The following SDC2 variants were observed in gnomAD, a reference collection of about 807,000 sequenced individuals.
The protein encoded by SDC2 is syndecan 2.
SDC2 carries 13 observed loss-of-function variants against 22.2 expected under a neutral mutation model. The ratio of observed to expected loss-of-function variants is 0.59; its 90% CI spans 0.38 to 0.93. SDC2 has a LOEUF of 0.93. SDC2 is among the 40% of genes least tolerant of loss of function. SDC2 has a pLI of 0.00. For synonymous variants in SDC2, 94 were observed against 92.8 expected (o/e 1.01, Z -0.07); for missense variants, 235 against 246.8 (o/e 0.95, Z 0.32).
At chr8:96,552,894 T>TG (rs1814050021) in intron 1 of SDC2, among the ~76,000 whole-genome samples, 1 of 152,194 alleles carries the variant, frequency 6.6e-6, no homozygotes, top group Non-Finnish European at 1.5e-5. Context: ...TAGAAAGTAA[T>TG]GTTTCTCCAA....
chr8:96,546,262 C>G (rs954404100), intron 1 of SDC2, among the ~76,000 whole-genome samples: 4 of 152,186 alleles, frequency 2.6e-5, no homozygotes, highest in South Asian at 2.1e-4. Flanking sequence ...TTGAGGGCAA[C>G]TCACTTGAAA....
At chr8:96,571,846 G>C (rs1463843051) in intron 1 of SDC2, among the ~76,000 whole-genome samples, 2 of 152,144 alleles carry the variant, frequency 1.3e-5, no homozygotes, top group Non-Finnish European at 2.9e-5. Flanking sequence ...GAACCCAGAG[G>C]GAGCAATAAT....
chr8:96,522,346 A>G (rs1786992167), intron 1 of SDC2, among the ~76,000 whole-genome samples: 1 of 152,048 alleles, frequency 6.6e-6, no homozygotes, highest in African/African-American at 2.4e-5. Context: ...ATTGCCTGAA[A>G]GAGAATTTTT....
Position 96,585,500 on chromosome 8 carries a change from T to C in SDC2, c.61-7980T>C, listed in dbSNP as rs528405853. Among the ~76,000 whole-genome samples the C allele has an allele frequency of 3.4e-4, 52 of 152,226 alleles. 1 individual carries two copies. Among genetic ancestry groups the C allele is most frequent in the African/African-American group, 1.2e-3 (49 of 41,530 alleles). ...AGTGTGTGTACCCAGGGCTGCTCAT[T>C]GTTGCCAAGCTTTAGATTGAAGAGA... is the stretch of plus-strand genomic sequence containing the variant. On this transcript the variant is annotated intron_variant, in intron 1 of 4. Transcript: ENST00000302190.
At chr8:96,584,147 T>A (rs1028019553) in intron 1 of SDC2, among the ~76,000 whole-genome samples, 4 of 152,234 alleles carry the variant, frequency 2.6e-5, no homozygotes, top group African/African-American at 9.6e-5. Context: ...TGTTCCATAT[T>A]CCTATTGACA....
At chr8:96,547,951 A>T (rs1290018459) in intron 1 of SDC2, among the ~76,000 whole-genome samples, 1 of 151,786 alleles carries the variant, frequency 6.6e-6, no homozygotes, top group Non-Finnish European at 1.5e-5. Flanking sequence ...TTTTGTAGAG[A>T]TGGTTTTGCT....
chr8:96,603,519 G>T (rs1231469715), intron 3 of SDC2, among the ~76,000 whole-genome samples: 1 of 152,212 alleles, frequency 6.6e-6, no homozygotes, highest in Non-Finnish European at 1.5e-5. Flanking sequence ...GAAATGAGAT[G>T]CTGCCAAGCT....
At chr8:96,587,890 T>C (rs186266944) in intron 1 of SDC2, among the ~76,000 whole-genome samples, 4 of 152,242 alleles carry the variant, frequency 2.6e-5, no homozygotes, top group Admixed American at 2.0e-4. Flanking sequence ...TTGAACATGC[T>C]CAGTGACATA....
intron 1 of SDC2, among the ~76,000 whole-genome samples, chr8:96,567,724 A>C (rs1814324055): frequency 6.6e-6 from 1 of 152,246 alleles, no homozygotes; most frequent in African/African-American, 2.4e-5. Context: ...GAATCATAAG[A>C]ATAATTTCGT....
chr8:96,583,304 A>C (rs897804119), intron 1 of SDC2, among the ~76,000 whole-genome samples: 1 of 147,006 alleles, frequency 6.8e-6, no homozygotes, highest in Non-Finnish European at 1.5e-5. Context: ...TATACAATAT[A>C]TATGATATAT....
intron 1 of SDC2, among the ~76,000 whole-genome samples, chr8:96,515,662 G>A (rs2130448439): frequency 6.6e-6 from 1 of 152,246 alleles, no homozygotes; most frequent in African/African-American, 2.4e-5. Flanking sequence ...ACTGAACATA[G>A]AGTCTTGTCC....
At chr8:96,506,492 T>C (rs116702032) in intron 1 of SDC2, among the ~76,000 whole-genome samples, 144 of 152,206 alleles carry the variant, frequency 9.5e-4, no homozygotes, top group African/African-American at 3.3e-3. Flanking sequence ...TGAAAACTTA[T>C]AAGAGACGGA....
intron 1 of SDC2, among the ~76,000 whole-genome samples, chr8:96,560,843 C>G (rs993696171): frequency 6.6e-6 from 1 of 152,154 alleles, no homozygotes; most frequent in African/African-American, 2.4e-5. Flanking sequence ...TGATGGCTCA[C>G]GCTTGTAATC....
chr8:96,496,506 A>G (rs941444086), intron 1 of SDC2, among the ~76,000 whole-genome samples: 1 of 152,232 alleles, frequency 6.6e-6, no homozygotes, highest in Non-Finnish European at 1.5e-5. Context: ...CAAGGCCCAG[A>G]ATGGCTAACA....
chr8:96,589,735 C>T (rs7008092), intron 1 of SDC2, among the ~76,000 whole-genome samples: 10 of 152,150 alleles, frequency 6.6e-5, no homozygotes, highest in Non-Finnish European at 1.2e-4. Context: ...TTATGTCATC[C>T]TCTATGTGGC....
chr8:96,516,689 C>T (rs138947911), intron 1 of SDC2, among the ~76,000 whole-genome samples: 2 of 152,236 alleles, frequency 1.3e-5, no homozygotes, highest in East Asian at 3.9e-4. Flanking sequence ...TAATATATGG[C>T]CTTTTGTGAT....
chr8:96,510,059 A>G (rs528446393), intron 1 of SDC2, among the ~76,000 whole-genome samples: 2 of 152,338 alleles, frequency 1.3e-5, no homozygotes, highest in Admixed American at 1.3e-4. Flanking sequence ...TCCTGAAGGA[A>G]AACTTTTCCT....
chr8:96,608,251 A>G (rs539355366), intron 3 of SDC2, 84 bp from the exon 4 acceptor site: 1 of 1,377,662 alleles, frequency 7.3e-7, no homozygotes, highest in Non-Finnish European at 9.8e-7. Context: ...GGAAAAAAAA[A>G]TTTTGGAATA....
At chr8:96,501,170 C>T (rs183564718) in intron 1 of SDC2, among the ~76,000 whole-genome samples, 3 of 150,996 alleles carry the variant, frequency 2.0e-5, no homozygotes, top group East Asian at 1.9e-4. Flanking sequence ...TACAAGTAAC[C>T]GTGATGTTTA....
Sources: allele counts gnomAD v4.1 joint callset (sites outside exome capture counted in the v4.1 genomes callset), GRCh38; gene constraint gnomAD v4.1.1; transcripts MANE v1.5; gene names NCBI Gene and HGNC (gene_info 2026-07-23, HGNC 2026-07-21).